CREB5: variants seen among roughly 807,000 people sequenced by gnomAD.
CREB5 encodes the protein cyclic AMP-responsive element-binding protein 5.
In CREB5, 19 loss-of-function variants were observed where a neutral mutation model predicts 57.1. That is an observed-to-expected ratio of 0.33 (90% CI 0.23 to 0.49). The LOEUF (loss-of-function observed/expected upper bound fraction) is 0.49, where lower values mean the gene tolerates loss of function less well. Among genes scored for constraint, CREB5 ranks in the 20% least tolerant of loss-of-function variants. The probability of loss-of-function intolerance (pLI) is 0.99; values close to 1 mark genes in which losing one functional copy is unlikely to be tolerated. For synonymous variants in CREB5, 238 were observed against 238.3 expected (o/e 1.00, Z 0.01); for missense variants, 579 against 671.6 (o/e 0.86, Z 1.52).
intron 5 of CREB5, among the ~76,000 whole-genome samples, chr7:28,669,048 G>A (rs574083422): frequency 6.6e-6 from 1 of 152,296 alleles, no homozygotes; most frequent in Admixed American, 6.5e-5. Flanking sequence ...GAACACATCT[G>A]GCTTGAGGTA....
rs1407533287 is a variant in CREB5 at position 28,821,733 on chromosome 7, C to G, written c.*2454C>G. Reference sequence around the variant, plus strand: ...TTTCAAAATTCTTTCCTAGGACCATCTATGTGTCTCCCCTCCCCTCCACAA... The same window carrying G: ...TTTCAAAATTCTTTCCTAGGACCATGTATGTGTCTCCCCTCCCCTCCACAA... On this transcript the variant is annotated 3_prime_UTR_variant, in exon 11 of 11. Transcript: ENST00000357727. 1 of 152,410 alleles carries G rather than the reference C, an allele frequency of 6.6e-6. No homozygotes were observed. Among genetic ancestry groups the G allele is most frequent in the Non-Finnish European group, 1.5e-5 (1 of 68,024 alleles). The allele number at this position is 152,410 out of a possible 1,614,324, so 9.4% of individuals were successfully genotyped here.
chr7:28,388,854 C>G (rs2127997399), intron 1 of CREB5, among the ~76,000 whole-genome samples: 1 of 152,208 alleles, frequency 6.6e-6, no homozygotes, highest in East Asian at 1.9e-4. Flanking sequence ...TGATAACTTG[C>G]TAAAATAAGA....
intron 1 of CREB5, among the ~76,000 whole-genome samples, chr7:28,394,108 T>TAAAAAAA (rs1562689529): frequency 1.3e-5 from 1 of 78,944 alleles, no homozygotes; most frequent in South Asian, 3.4e-4. Flanking sequence ...AAAAAAAAAG[T>TAAAAAAA]GGACTTGGAT....
intron 1 of CREB5, among the ~76,000 whole-genome samples, chr7:28,321,764 A>G (rs1325655145): frequency 6.6e-6 from 1 of 152,202 alleles, no homozygotes; most frequent in Non-Finnish European, 1.5e-5. Context: ...ACTGGACTTC[A>G]CTTAGGAGAA....
At chr7:28,324,079 C>G (rs568430176) in intron 1 of CREB5, among the ~76,000 whole-genome samples, 1 of 152,234 alleles carries the variant, frequency 6.6e-6, no homozygotes, top group African/African-American at 2.4e-5. Context: ...AAGCTTTGGT[C>G]ACTCGCCCAC....
chr7:28,501,780 G>A (rs1268146525), intron 3 of CREB5, among the ~76,000 whole-genome samples: 1 of 152,134 alleles, frequency 6.6e-6, no homozygotes, highest in Non-Finnish European at 1.5e-5. Flanking sequence ...GGAACACTTG[G>A]GGTAGCTCAT....
At chr7:28,754,726 T>C (rs1805191616) in intron 7 of CREB5, among the ~76,000 whole-genome samples, 1 of 152,158 alleles carries the variant, frequency 6.6e-6, no homozygotes, top group Non-Finnish European at 1.5e-5. Context: ...AAAACTTCAC[T>C]CTTTTTTTTC....
intron 1 of CREB5, among the ~76,000 whole-genome samples, chr7:28,427,234 G>C (rs1788545146): frequency 1.3e-5 from 2 of 152,120 alleles, no homozygotes. Context: ...GTTTTAATCA[G>C]AGCATAGACA....
chr7:28,746,135 A>C (rs1804669869), intron 7 of CREB5, among the ~76,000 whole-genome samples: 1 of 152,228 alleles, frequency 6.6e-6, no homozygotes, highest in African/African-American at 2.4e-5. Flanking sequence ...TTGATCTCTA[A>C]GGAGGTACAA....
intron 5 of CREB5, among the ~76,000 whole-genome samples, chr7:28,627,472 AT>A (rs199896498): frequency 6.6e-6 from 1 of 151,972 alleles, no homozygotes; most frequent in Non-Finnish European, 1.5e-5. Context: ...AGGCATCAGT[AT>A]TTTTTTTACA....
At chr7:28,612,542 G>GT (rs1161003391) in intron 5 of CREB5, among the ~76,000 whole-genome samples, 7 of 125,698 alleles carry the variant, frequency 5.6e-5, no homozygotes, top group Middle Eastern at 3.5e-3. Flanking sequence ...TTTAGAGAAG[G>GT]GGTGTGTGTG....
chr7:28,618,443 C>T lies in CREB5; in HGVS notation c.464+47906C>T, dbSNP rs180783891. On this transcript the variant is annotated intron_variant, in intron 5 of 10. Coordinates refer to ENST00000357727, the MANE Select transcript of CREB5 (RefSeq NM_182898.4). ...ATTTTTTTTTAATCCTGAGTCAACA[C>T]ATCTGCTTCCTTATCAGATGCTGCT... 1.3e-4 allele frequency among the ~76,000 whole-genome samples: 20 copies of T among 152,260 alleles called. No homozygotes were observed. The East Asian group carries it at 3.7e-3, about 28-fold the overall frequency.
At chr7:28,704,613 T>C (rs575345612) in intron 5 of CREB5, among the ~76,000 whole-genome samples, 2 of 152,174 alleles carry the variant, frequency 1.3e-5, no homozygotes, top group South Asian at 4.1e-4. Context: ...CACCCCACCA[T>C]GCCTGGCTCA....
chr7:28,362,017 C>G (rs1490339830), intron 1 of CREB5, among the ~76,000 whole-genome samples: 3 of 152,194 alleles, frequency 2.0e-5, no homozygotes, highest in African/African-American at 7.2e-5. Context: ...TTTAGCTCTT[C>G]CCTTGTGGTG....
intron 7 of CREB5, among the ~76,000 whole-genome samples, chr7:28,731,742 G>A (rs974402944): frequency 6.6e-6 from 1 of 152,192 alleles, no homozygotes; most frequent in Admixed American, 6.5e-5. Context: ...CTGCAATTTG[G>A]TTATTGAAGC....
chr7:28,568,239 T>G (rs1357603517), intron 4 of CREB5, among the ~76,000 whole-genome samples: 1 of 152,190 alleles, frequency 6.6e-6, no homozygotes. Flanking sequence ...TATTTTTCTT[T>G]GCGAATTTAA....
chr7:28,649,028 G>A (rs770114536), intron 5 of CREB5, among the ~76,000 whole-genome samples: 1 of 152,110 alleles, frequency 6.6e-6, no homozygotes, highest in Non-Finnish European at 1.5e-5. Context: ...AGAGAGGAAG[G>A]GACTGGTTTT....
At position 28,378,973 on chromosome 7, in the gene CREB5, A is replaced by T. The variant is rs1489806929; in HGVS notation, c.-25+79532A>T. On this transcript the variant is annotated intron_variant, in intron 1 of 9. Transcript: ENST00000396299. ...GGCTTGGTGAAAGACTTATTTGAGG[A>T]ACCTGTGCTGGCTCCCAGTGATCAC... Among the ~76,000 whole-genome samples, 4 of 152,330 alleles carry T rather than the reference A, an allele frequency of 2.6e-5. No homozygotes were observed. The South Asian group carries it at 8.3e-4, about 32-fold the overall frequency.
intron 4 of CREB5, among the ~76,000 whole-genome samples, chr7:28,551,289 A>T (rs1794632352): frequency 6.6e-6 from 1 of 152,188 alleles, no homozygotes; most frequent in Non-Finnish European, 1.5e-5. Flanking sequence ...TTGTTGAAAA[A>T]GGTGCAGAGT....
Sources: gnomAD v4.1 joint callset for allele counts (sites outside exome capture counted in the v4.1 genomes callset) on GRCh38, gnomAD v4.1.1 for gene constraint, MANE v1.5 for transcripts, NCBI Gene and HGNC (gene_info 2026-07-23, HGNC 2026-07-21) for gene names.